Variants in PDPR observed in about 807,000 individuals in gnomAD.
PDPR encodes pyruvate dehydrogenase phosphatase regulatory subunit.
A neutral mutation model predicts 102.2 loss-of-function variants in PDPR; 50 were observed. That is an observed-to-expected ratio of 0.49 (90% CI 0.39 to 0.62). The LOEUF (loss-of-function observed/expected upper bound fraction) is 0.62, where lower values mean the gene tolerates loss of function less well. Among genes scored for constraint, PDPR ranks in the 20% least tolerant of loss-of-function variants. The pLI, the probability that PDPR is intolerant of heterozygous loss-of-function variation, is 0.00. For synonymous variants in PDPR, 259 were observed against 406.0 expected (o/e 0.64, Z 4.35); for missense variants, 625 against 1,098.2 (o/e 0.57, Z 6.09).
rs571391521 is a variant in PDPR at position 70,161,410 on chromosome 16, T to C, written c.*4531T>C. 138 of 153,542 alleles carry C rather than the reference T, an allele frequency of 9.0e-4. No homozygotes were observed. The highest frequency in any genetic ancestry group is 3.2e-3 in the African/African-American group (132 of 41,572). The allele number at this position is 153,542 out of a possible 1,614,324, so 9.5% of individuals were successfully genotyped here. ...CACACACCCCTCACGAACATTGATATAAGCAGTATTAACACAGTATAAAGA... is the reference window on the plus strand; with the variant it reads ...CACACACCCCTCACGAACATTGATACAAGCAGTATTAACACAGTATAAAGA... On this transcript the variant is annotated 3_prime_UTR_variant, in exon 19 of 19. Transcript: ENST00000288050.
At position 70,135,543 on chromosome 16, in the gene PDPR, A is replaced by ATCACCTTTT. The variant is rs1965039029; in HGVS notation, c.998-650_998-642dup. On this transcript the variant is annotated intron_variant, in intron 9 of 18. Transcript: ENST00000288050. Reference sequence around the variant, plus strand: ...CAAGCCACCATGCCCAGCTCAGAACATCACCTTTTATTAAAATCTCTGTGG... The same window carrying ATCACCTTTT: ...CAAGCCACCATGCCCAGCTCAGAACATCACCTTTTTCACCTTTTATTAAAATCTCTGTGG... Among the ~76,000 whole-genome samples the ATCACCTTTT allele has an allele frequency of 2.0e-5, 3 of 152,316 alleles. No individual in the cohort carries two copies. The South Asian group carries it at 6.2e-4, about 32-fold the overall frequency.
chr16:70,128,662 G>A, intron 4 of PDPR, 122 bp from the exon 5 acceptor site: 2 of 1,557,518 alleles, frequency 1.3e-6, no homozygotes, highest in South Asian at 1.2e-5. Context: ...ACCTGCCCAA[G>A]GATATTGAGT....
chr16:70,148,126 T>A (rs1365087123), intron 16 of PDPR, among the ~76,000 whole-genome samples: 2 of 152,262 alleles, frequency 1.3e-5, no homozygotes, highest in South Asian at 4.1e-4. Context: ...GACACTCGCC[T>A]TGTCCTCATT....
chr16:70,134,794 A>T (rs1343404651), intron 9 of PDPR, among the ~76,000 whole-genome samples: 136 of 148,814 alleles, frequency 9.1e-4, no homozygotes, highest in African/African-American at 2.1e-3. Context: ...TCAAAAAAAA[A>T]AAAAATAATA....
intron 11 of PDPR, among the ~76,000 whole-genome samples, chr16:70,139,463 C>T (rs1451421769): frequency 6.6e-6 from 1 of 152,262 alleles, no homozygotes; most frequent in African/African-American, 2.4e-5. Context: ...CTTTCCAAGT[C>T]AGAGAATTTG....
chr16:70,153,248 G>T (rs1178118262), intron 17 of PDPR, 143 bp from the exon 18 acceptor site: 5 of 929,124 alleles, frequency 5.4e-6, no homozygotes, highest in Non-Finnish European at 7.9e-6. Context: ...TGCCCTGAGC[G>T]TGTCAAGGAT....
intron 16 of PDPR, among the ~76,000 whole-genome samples, chr16:70,148,161 A>G (rs1238201302): frequency 6.6e-6 from 1 of 152,246 alleles, no homozygotes; most frequent in Non-Finnish European, 1.5e-5. Flanking sequence ...CGACTAACAC[A>G]AGGACCTGGC....
chr16:70,126,801 C>G (rs1462108164), intron 3 of PDPR, among the ~76,000 whole-genome samples: 1 of 152,270 alleles, frequency 6.6e-6, no homozygotes, highest in Non-Finnish European at 1.5e-5. Flanking sequence ...GCTGGGATTA[C>G]AGGCATGAGC....
At chr16:70,152,453 G>T (rs1240864689) in intron 17 of PDPR, among the ~76,000 whole-genome samples, 1 of 152,276 alleles carries the variant, frequency 6.6e-6, no homozygotes, top group Non-Finnish European at 1.5e-5. Flanking sequence ...CGGGAGTGGA[G>T]ATGGCAGTGA....
chr16:70,118,530 G>A (rs1208145124), intron 2 of PDPR, among the ~76,000 whole-genome samples: 16 of 152,232 alleles, frequency 1.1e-4, no homozygotes, highest in Admixed American at 2.6e-4. Flanking sequence ...TCAATGGGAC[G>A]GGGCTGGCCA....
At chr16:70,151,768 T>C (rs1460033665) in intron 17 of PDPR, among the ~76,000 whole-genome samples, 1 of 152,200 alleles carries the variant, frequency 6.6e-6, no homozygotes, top group Non-Finnish European at 1.5e-5. Context: ...TTGGGTTCTT[T>C]ATAAGCTGGC....
chr16:70,130,592 G>T (rs1229599088), intron 7 of PDPR, 48 bp downstream of exon 7: 1 of 1,610,598 alleles, frequency 6.2e-7, no homozygotes. Flanking sequence ...TTGTCTCCAA[G>T]ATTTTTTTGG....
Position 70,120,596 on chromosome 16 carries a change from G to A in PDPR, c.104G>A (p.Arg35His), listed in dbSNP as rs745759217. The change falls in exon 3 of 19, where the codon CGT becomes CAT. Residue 35 changes from arginine to histidine, a missense_variant. By Grantham distance (29) the Arg-to-His change is conservative (BLOSUM62 0). This residue lies in a region of PDPR where 84 missense variants were observed against 87.7 expected (regional missense o/e 0.96). Transcript: ENST00000288050. ...AACAGCACGTCAGCTGCCGAGGCGC[G>A]TTCCATGGCCCTGCCCACCCAGGCA... The part of the protein sequence containing the change: ...ARNSTSAAEA[R>H]SMALPTQAQV... 1.1e-5 allele frequency: 18 copies of A among 1,607,806 alleles called. No homozygotes were observed. Among genetic ancestry groups the A allele is most frequent in the Non-Finnish European group, 1.4e-5 (17 of 1,174,504 alleles).
At chr16:70,130,349 T>C (rs1964413923) in intron 6 of PDPR, 74 bp from the exon 7 acceptor site, 1 of 1,524,826 alleles carries the variant, frequency 6.6e-7, no homozygotes, top group African/African-American at 1.4e-5. Flanking sequence ...TTCTTCTGGG[T>C]GGAGAACCTG....
At chr16:70,133,264 AGC>A (rs1964731790) in intron 9 of PDPR, among the ~76,000 whole-genome samples, 2 of 151,822 alleles carry the variant, frequency 1.3e-5, no homozygotes, top group South Asian at 4.2e-4. Flanking sequence ...TGGGATTACA[AGC>A]GCCTGCCACC....
intron 17 of PDPR, among the ~76,000 whole-genome samples, chr16:70,150,595 C>T (rs2152117018): frequency 6.9e-6 from 1 of 145,920 alleles, no homozygotes; most frequent in East Asian, 2.0e-4. Flanking sequence ...TGCAGCTTGA[C>T]CTCCGAGGCT....
chr16:70,155,092 T>C (rs1966982045), intron 18 of PDPR, among the ~76,000 whole-genome samples: 1 of 152,072 alleles, frequency 6.6e-6, no homozygotes, highest in South Asian at 2.1e-4. Context: ...CTCGGTAGGC[T>C]GAGGCAGGAG....
chr16:70,136,433 C>G (rs535968438), intron 10 of PDPR, 47 bp downstream of exon 10: 1 of 1,380,576 alleles, frequency 7.2e-7, no homozygotes, highest in African/African-American at 1.4e-5. Context: ...AGTCAACTTG[C>G]TGGGTCTCTT....
chr16:70,160,518 G>C lies in PDPR; in HGVS notation c.*3639G>C, dbSNP rs1236223663. The C allele has an allele frequency of 2.0e-5, 3 of 152,736 alleles. No individual in the cohort carries two copies. The highest frequency in any genetic ancestry group is 6.5e-5 in the Admixed American group (1 of 15,292). 9.5% of individuals were successfully genotyped at this position (152,736 alleles called of 1,614,324 possible). ...ATCTCATTCAGGCCAGAGACACAGAGACCACATAGCCCAGTGATTAAACCC... is the reference window on the plus strand; with the variant it reads ...ATCTCATTCAGGCCAGAGACACAGACACCACATAGCCCAGTGATTAAACCC... On this transcript the variant is annotated 3_prime_UTR_variant, in exon 19 of 19. Transcript: ENST00000288050.
Sources: allele counts gnomAD v4.1 joint callset (sites outside exome capture counted in the v4.1 genomes callset), GRCh38; gene constraint gnomAD v4.1.1; regional missense constraint gnomAD v4.1.1; transcripts MANE v1.5; gene names NCBI Gene and HGNC (gene_info 2026-07-23, HGNC 2026-07-21).